The following ROBO1 variants were observed in gnomAD, a reference collection of about 807,000 sequenced individuals.
ROBO1 encodes roundabout guidance receptor 1.
A neutral mutation model predicts 195.9 loss-of-function variants in ROBO1; 149 were observed. The observed-to-expected ratio is 0.76, with a 90% CI of 0.67 to 0.87. The LOEUF (loss-of-function observed/expected upper bound fraction) is 0.87, where lower values mean the gene tolerates loss of function less well. Ranked by LOEUF, ROBO1 falls within the 40% of genes least tolerant of loss-of-function variation. ROBO1 has a pLI of 0.00. For synonymous variants in ROBO1, 816 were observed against 733.2 expected, an observed-to-expected ratio of 1.11 and a Z score of -1.82; for missense variants, 1,933 against 2,068.3, an observed-to-expected ratio of 0.93 and a Z score of 1.27.
intron 26 of ROBO1, among the ~76,000 whole-genome samples, chr3:78,622,581 T>A (rs983407254): frequency 2.0e-5 from 3 of 152,202 alleles, no homozygotes; most frequent in African/African-American, 7.2e-5. Context: ...ATATCTCCCA[T>A]TCCAAATGCT....
intron 2 of ROBO1, among the ~76,000 whole-genome samples, chr3:79,168,923 C>T (rs2081118606): frequency 6.6e-6 from 1 of 151,988 alleles, no homozygotes; most frequent in Non-Finnish European, 1.5e-5. Flanking sequence ...GAGAAAGTGA[C>T]ATTTAAAGTT....
At chr3:78,740,762 C>T (rs2082511747) in intron 5 of ROBO1, among the ~76,000 whole-genome samples, 1 of 152,024 alleles carries the variant, frequency 6.6e-6, no homozygotes, top group Admixed American at 6.6e-5. Context: ...CATGAGCCAC[C>T]GCGCCTGGCA....
At chr3:79,103,435 G>C (rs1475752225) in intron 3 of ROBO1, among the ~76,000 whole-genome samples, 1 of 151,766 alleles carries the variant, frequency 6.6e-6, no homozygotes, top group African/African-American at 2.4e-5. Context: ...ATTATCTCCA[G>C]TGGAACAGAA....
intron 2 of ROBO1, among the ~76,000 whole-genome samples, chr3:79,295,837 C>A (rs1015387690): frequency 6.6e-6 from 1 of 152,060 alleles, no homozygotes; most frequent in Non-Finnish European, 1.5e-5. Flanking sequence ...AAAGCGGAAT[C>A]ATTTCTATAC....
intron 10 of ROBO1, among the ~76,000 whole-genome samples, chr3:78,682,971 A>G (rs2080962740): frequency 6.6e-6 from 1 of 151,870 alleles, no homozygotes; most frequent in African/African-American, 2.4e-5. Flanking sequence ...TTCAATATTT[A>G]TACATTTTAT....
chr3:78,921,252 G>A lies in ROBO1; in HGVS notation c.499+17349C>T, dbSNP rs189012875. Reference sequence around the variant, plus strand: ...ATCCCACTAAGTCAAATATAAAATAGATATAAATTAATTATGTTAGCTTTA... The same window carrying A: ...ATCCCACTAAGTCAAATATAAAATAAATATAAATTAATTATGTTAGCTTTA... On this transcript the variant is annotated intron_variant, in intron 4 of 30. Transcript: ENST00000464233. Among the ~76,000 whole-genome samples the A allele has an allele frequency of 1.3e-3, 203 of 152,022 alleles. 2 individuals are homozygous for A. The highest frequency in any genetic ancestry group is 4.6e-3 in the African/African-American group (191 of 41,358).
At chr3:79,242,950 T>A (rs2082548333) in intron 2 of ROBO1, among the ~76,000 whole-genome samples, 1 of 151,448 alleles carries the variant, frequency 6.6e-6, no homozygotes, top group Non-Finnish European at 1.5e-5. Flanking sequence ...TCATTTAACA[T>A]TAGGTATATC....
intron 3 of ROBO1, among the ~76,000 whole-genome samples, chr3:79,098,346 A>G (rs1478599347): frequency 2.6e-5 from 4 of 151,766 alleles, no homozygotes; most frequent in Non-Finnish European, 5.9e-5. Flanking sequence ...TTCTAGAAGG[A>G]ATTTTAGGAG....
intron 1 of ROBO1, among the ~76,000 whole-genome samples, chr3:79,704,242 ATATAT>A (rs1167361552): frequency 6.6e-6 from 1 of 151,900 alleles, no homozygotes; most frequent in African/African-American, 2.4e-5. Context: ...TCTTGGTGTT[ATATAT>A]TATATTTTAG....
At chr3:79,760,901 A>T (rs1704663940) in intron 1 of ROBO1, among the ~76,000 whole-genome samples, 1 of 151,618 alleles carries the variant, frequency 6.6e-6, no homozygotes, top group South Asian at 2.1e-4. Flanking sequence ...GTCATCAGCA[A>T]TTTCACTTCT....
chr3:78,739,963 CA>C (rs1010073081), intron 5 of ROBO1, among the ~76,000 whole-genome samples: 1 of 151,998 alleles, frequency 6.6e-6, no homozygotes, highest in African/African-American at 2.4e-5. Flanking sequence ...TGTTATGAGT[CA>C]AAAAAATGCA....
chr3:78,609,574 A>G (rs1214845318), intron 28 of ROBO1, among the ~76,000 whole-genome samples: 1 of 152,128 alleles, frequency 6.6e-6, no homozygotes, highest in Non-Finnish European at 1.5e-5. Context: ...AGATTTCCAT[A>G]TGTGTACATA....
chr3:79,732,086 T>G, intron 1 of ROBO1, among the ~76,000 whole-genome samples: 1 of 152,084 alleles, frequency 6.6e-6, no homozygotes, highest in Non-Finnish European at 1.5e-5. Flanking sequence ...TCTAGGTTTG[T>G]GTATACAAAC....
At chr3:79,296,371 A>G (rs1288512620) in intron 2 of ROBO1, among the ~76,000 whole-genome samples, 1 of 152,234 alleles carries the variant, frequency 6.6e-6, no homozygotes, top group Non-Finnish European at 1.5e-5. Context: ...TTGAGCAATC[A>G]TCAGATATAC....
At chr3:79,029,337 A>T (rs549778665) in intron 3 of ROBO1, among the ~76,000 whole-genome samples, 1 of 152,276 alleles carries the variant, frequency 6.6e-6, no homozygotes, top group East Asian at 1.9e-4. Flanking sequence ...TGATTGAAGA[A>T]GTAATATCAT....
At chr3:78,603,205 C>G (rs1385970157) in intron 29 of ROBO1, among the ~76,000 whole-genome samples, 1 of 152,140 alleles carries the variant, frequency 6.6e-6, no homozygotes, top group Non-Finnish European at 1.5e-5. Context: ...CCTTCATGTA[C>G]CTCAAGAGCT....
At chr3:79,430,709 G>A (rs369028746) in intron 2 of ROBO1, among the ~76,000 whole-genome samples, 2 of 152,010 alleles carry the variant, frequency 1.3e-5, no homozygotes, top group African/African-American at 4.8e-5. Context: ...TTTTCCTCTT[G>A]TTCCTGTTCT....
At chr3:78,725,777 A>AT (rs1276465919) in intron 5 of ROBO1, among the ~76,000 whole-genome samples, 9 of 152,202 alleles carry the variant, frequency 5.9e-5, no homozygotes, top group Non-Finnish European at 1.3e-4. Context: ...ACATAAATTC[A>AT]TAAGTTTTTT....
intron 4 of ROBO1, among the ~76,000 whole-genome samples, chr3:78,813,835 A>G (rs368453552): frequency 6.6e-6 from 1 of 152,158 alleles, no homozygotes; most frequent in South Asian, 2.1e-4. Context: ...AGCTTGCTTG[A>G]TAAGTTAACT....
Sources: allele counts gnomAD v4.1 joint callset (sites outside exome capture counted in the v4.1 genomes callset), GRCh38; gene constraint gnomAD v4.1.1; transcripts MANE v1.5; gene names NCBI Gene and HGNC (gene_info 2026-07-23, HGNC 2026-07-21).